The following KLHL24 variants were observed in gnomAD, a reference collection of about 807,000 sequenced individuals.
KLHL24 encodes kelch-like protein 24.
A neutral mutation model predicts 53.4 loss-of-function variants in KLHL24; 29 were observed. The ratio of observed to expected loss-of-function variants is 0.54; its 90% CI spans 0.40 to 0.74. The LOEUF (loss-of-function observed/expected upper bound fraction) is 0.74. KLHL24 is among the 30% of genes least tolerant of loss of function. The pLI, the probability that KLHL24 is intolerant of heterozygous loss-of-function variation, is 0.00. For missense variants in KLHL24, 504 were observed against 744.0 expected (o/e 0.68, Z 3.75); for synonymous variants, 222 against 253.7 (o/e 0.88, Z 1.19).
intron 1 of KLHL24, among the ~76,000 whole-genome samples, chr3:183,640,199 A>G (rs1279958292): frequency 1.3e-5 from 2 of 152,242 alleles, no homozygotes; most frequent in Non-Finnish European, 2.9e-5. Context: ...AAGCATGAGT[A>G]GGCTCAATAG....
At position 183,645,792 on chromosome 3, in the gene KLHL24, G is replaced by A. The variant is rs566151078; in HGVS notation, c.-62+2250G>A. Among the ~76,000 whole-genome samples, 8 of 152,260 alleles carry A rather than the reference G, an allele frequency of 5.3e-5. No homozygotes were observed. The South Asian group carries it at 1.5e-3, about 28-fold the overall frequency. ...TTGTTTGGACCATAACATACATGTA[G>A]AGGAAAATATTTCCTCAAATTTAAG... On this transcript the variant is annotated intron_variant, in intron 2 of 7. Coordinates refer to ENST00000242810, the MANE Select transcript of KLHL24 (RefSeq NM_017644.3).
chr3:183,653,449 G>A (rs1718412189), intron 3 of KLHL24, among the ~76,000 whole-genome samples: 1 of 152,158 alleles, frequency 6.6e-6, no homozygotes, highest in Admixed American at 6.5e-5. Context: ...ACAAAGACAG[G>A]GCTTGACTTT....
intron 1 of KLHL24, among the ~76,000 whole-genome samples, chr3:183,640,529 A>G (rs1716217362): frequency 1.3e-5 from 2 of 151,906 alleles, no homozygotes; most frequent in African/African-American, 4.8e-5. Flanking sequence ...AGTTGCTATC[A>G]TTCTATCCAA....
rs574477445 is a variant in KLHL24 at position 183,681,378 on chromosome 3, A to G, written c.*2092A>G. The stretch of plus-strand genomic sequence containing the variant: ...CCATTTCATGAATATAGGACTTCAC[A>G]TAAAAAAAGACTTTCTCAAGACAAC... On this transcript the variant is annotated 3_prime_UTR_variant, in exon 8 of 8. Transcript: ENST00000242810. 1 of 152,380 alleles carries G rather than the reference A, an allele frequency of 6.6e-6. No homozygotes were observed. The highest frequency in any genetic ancestry group is 2.4e-5 in the African/African-American group (1 of 41,582). The allele number at this position is 152,380 out of a possible 1,614,324, so 9.4% of individuals were successfully genotyped here. A position where few individuals can be genotyped will look rare whatever the true frequency, so the allele number is the denominator to read the frequency against.
chr3:183,650,426 C>A lies in KLHL24; in HGVS notation c.70C>A (p.Arg24=), dbSNP rs1197239420. Residue 24 remains arginine (R), a synonymous_variant, in exon 3 of 8, where the codon CGA becomes AGA. Transcript: ENST00000242810. The surrounding 1 kb of genome is among the most constrained non-coding windows in gnomAD (Gnocchi z 4.5). ...LGVRDSPATK[R]KVFEMDPKSL... is the part of the protein sequence containing the mutation. ...GGTGCGTGATTCCCCAGCAACTAAGCGAAAAGTTTTTGAAATGGACCCCAA... is the reference window on the plus strand; with the variant it reads ...GGTGCGTGATTCCCCAGCAACTAAGAGAAAAGTTTTTGAAATGGACCCCAA... The A allele has an allele frequency of 6.2e-7, 1 of 1,614,032 alleles. No homozygotes were observed. Among genetic ancestry groups the A allele is most frequent in the Non-Finnish European group, 8.5e-7 (1 of 1,179,986 alleles).
At chr3:183,645,667 A>C (rs1395242502) in intron 2 of KLHL24, among the ~76,000 whole-genome samples, 2 of 152,222 alleles carry the variant, frequency 1.3e-5, no homozygotes, top group Non-Finnish European at 2.9e-5. Flanking sequence ...TCATTTAGGT[A>C]TTAAAATTAA....
rs1381169053 is a variant in KLHL24, at chr3:183,671,220, A to G, written c.1411A>G (p.Lys471Glu). The G allele has an allele frequency of 1.9e-6, 3 of 1,610,702 alleles. No individual in the cohort carries two copies. The highest frequency in any genetic ancestry group is 1.7e-6 in the Non-Finnish European group (2 of 1,178,054). The change falls in exon 6 of 8, where the codon AAG becomes GAG. Residue 471 changes from lysine to glutamate, a missense_variant and splice_region_variant. Coordinates refer to ENST00000242810, the MANE Select transcript of KLHL24 (RefSeq NM_017644.3). Reference sequence around the variant, plus strand: ...ACCTGATGATAATACTTGTTCTGATAAGGTAAGCCATGCACTTTTAAAGAA... The same window carrying G: ...ACCTGATGATAATACTTGTTCTGATGAGGTAAGCCATGCACTTTTAAAGAA... ...GGPDDNTCSD[K>E]VQSYDPETNS...
chr3:183,638,395 C>G (rs528464483), intron 1 of KLHL24, among the ~76,000 whole-genome samples: 2 of 152,086 alleles, frequency 1.3e-5, no homozygotes, highest in South Asian at 4.1e-4. Flanking sequence ...AAAGGTCAAG[C>G]CTGTGAAAAA....
At chr3:183,654,250 T>G (rs1160600631) in intron 3 of KLHL24, among the ~76,000 whole-genome samples, 2 of 152,150 alleles carry the variant, frequency 1.3e-5, no homozygotes, top group African/African-American at 4.8e-5. Context: ...ATTTCTCCAG[T>G]TGCTCTTTTT....
intron 2 of KLHL24, among the ~76,000 whole-genome samples, chr3:183,645,110 T>A (rs1435701217): frequency 1.3e-5 from 2 of 152,378 alleles, no homozygotes; most frequent in Non-Finnish European, 2.9e-5. Flanking sequence ...TGTAGCTAAT[T>A]CAACCATAAT....
chr3:183,677,821 C>T lies in KLHL24; in HGVS notation c.1603-1265C>T, dbSNP rs112563728. ...GTTTATTTTTTTTGAGACGGAGTTT[C>T]GCTCTTATCACCCAGACTGGAGTGC... On this transcript the variant is annotated intron_variant, in intron 7 of 7. Transcript: ENST00000242810. 7.7e-3 allele frequency among the ~76,000 whole-genome samples: 1,173 copies of T among 151,914 alleles called. 23 individuals carry two copies. The highest frequency in any genetic ancestry group is 0.027 in the African/African-American group (1,135 of 41,332).
At chr3:183,641,639 A>G (rs1354932388) in intron 1 of KLHL24, among the ~76,000 whole-genome samples, 3 of 152,298 alleles carry the variant, frequency 2.0e-5, no homozygotes, top group African/African-American at 7.2e-5. Flanking sequence ...GTAGCGTAGA[A>G]CATAGTATGC....
chr3:183,667,617 C>G (rs12487341), intron 5 of KLHL24, among the ~76,000 whole-genome samples: 50,592 of 151,992 alleles, frequency 0.33, 9,244 homozygotes, highest in African/African-American at 0.48. Context: ...ACCAGCCCCC[C>G]ACCCAGACCT....
At chr3:183,654,131 C>T (rs547785732) in intron 3 of KLHL24, among the ~76,000 whole-genome samples, 10 of 152,274 alleles carry the variant, frequency 6.6e-5, no homozygotes, top group East Asian at 1.9e-4. Context: ...AGCCTCTCTT[C>T]GGTCTTTATC....
chr3:183,644,660 T>A (rs1263037984), intron 2 of KLHL24, among the ~76,000 whole-genome samples: 2 of 152,130 alleles, frequency 1.3e-5, no homozygotes, highest in Admixed American at 1.3e-4. Context: ...GAGCCAACTA[T>A]GAAAATAAGG....
intron 7 of KLHL24, 101 bp from the exon 8 acceptor site, chr3:183,678,985 C>A: frequency 1.1e-6 from 1 of 897,612 alleles, no homozygotes. Flanking sequence ...TCATGTCTCC[C>A]TTTTTTTTGA....
At chr3:183,668,899 A>G (rs1370462171) in intron 5 of KLHL24, among the ~76,000 whole-genome samples, 1 of 152,110 alleles carries the variant, frequency 6.6e-6, no homozygotes, top group Non-Finnish European at 1.5e-5. Flanking sequence ...TCTGTCAAAA[A>G]AAAGAAAAGG....
intron 2 of KLHL24, among the ~76,000 whole-genome samples, chr3:183,648,958 G>A (rs1483304948): frequency 4.6e-5 from 7 of 151,896 alleles, no homozygotes; most frequent in South Asian, 2.1e-4. Flanking sequence ...AGTCAAGATC[G>A]CGCCATTGCA....
chr3:183,656,832 G>A (rs547143066), intron 3 of KLHL24, among the ~76,000 whole-genome samples: 6 of 151,854 alleles, frequency 4.0e-5, no homozygotes, highest in African/African-American at 1.4e-4. Context: ...GGCAAGAGGC[G>A]GGAGGATAGC....
Sources: gnomAD v4.1 joint callset for allele counts (sites outside exome capture counted in the v4.1 genomes callset) on GRCh38, gnomAD v4.1.1 for gene constraint, Gnocchi (gnomAD v3.1) non-coding constraint, MANE v1.5 for transcripts, NCBI Gene and HGNC (gene_info 2026-07-23, HGNC 2026-07-21) for gene names.